XYLB: variants seen among roughly 807,000 people sequenced by gnomAD.
XYLB encodes xylulokinase, also known as xylulose kinase.
In XYLB, 62 loss-of-function variants were observed where a neutral mutation model predicts 78.7. The ratio of observed to expected loss-of-function variants is 0.79; its 90% CI spans 0.64 to 0.97. The LOEUF is 0.97. XYLB is among the 50% of genes least tolerant of loss of function. The pLI is 0.00. For missense variants in XYLB, 687 were observed against 676.8 expected (o/e 1.02, Z -0.17); for synonymous variants, 245 against 247.4 (o/e 0.99, Z 0.09).
chr3:38,423,731 A>G (rs1709046851), downstream of XYLB, among the ~76,000 whole-genome samples: 1 of 152,234 alleles, frequency 6.6e-6, no homozygotes, highest in African/African-American at 2.4e-5. Context: ...ACAGTGTTAC[A>G]TTATTCATTA....
the XYLB span, among the ~76,000 whole-genome samples, chr3:38,447,952 C>T: frequency 1.3e-5 from 2 of 152,062 alleles, no homozygotes; most frequent in Non-Finnish European, 2.9e-5. Flanking sequence ...CATGGTGGCT[C>T]ATGACTGTAA....
rs1004351979 is a variant in XYLB, at chr3:38,370,037, T to G, written c.647-19T>G. The G allele has an allele frequency of 3.1e-6, 5 of 1,605,510 alleles. No homozygotes were observed. The highest frequency in any genetic ancestry group is 4.3e-6 in the Non-Finnish European group (5 of 1,172,224). ...TCCATTTTCAAGATTGTCTGTTGTT[T>G]GTTTCCTTCCTTCCTCAGGTTCTGG... On this transcript the variant is annotated intron_variant, in intron 8 of 18. Transcript: ENST00000207870.
the XYLB span, among the ~76,000 whole-genome samples, chr3:38,440,657 G>A: frequency 2.0e-5 from 3 of 152,150 alleles, no homozygotes; most frequent in Non-Finnish European, 2.9e-5. Context: ...AGTGCTTTTG[G>A]GCTACGCTCT....
chr3:38,381,010 C>T (rs776661845), intron 15 of XYLB, among the ~76,000 whole-genome samples: 13 of 152,140 alleles, frequency 8.5e-5, no homozygotes, highest in Non-Finnish European at 1.5e-4. Flanking sequence ...GTGGCTCACA[C>T]CTGTAATCTC....
At chr3:38,443,389 A>G in the XYLB span, among the ~76,000 whole-genome samples, 2 of 152,164 alleles carry the variant, frequency 1.3e-5, no homozygotes, top group Admixed American at 6.5e-5. Flanking sequence ...GCCTCGGCAT[A>G]GTGGACATGG....
chr3:38,448,619 T>C, the XYLB span, among the ~76,000 whole-genome samples: 2 of 152,238 alleles, frequency 1.3e-5, no homozygotes, highest in Non-Finnish European at 2.9e-5. Context: ...TTAAAATATT[T>C]TTTTACTGAG....
chr3:38,429,715 C>T, the XYLB span, among the ~76,000 whole-genome samples: 1 of 152,200 alleles, frequency 6.6e-6, no homozygotes, highest in Non-Finnish European at 1.5e-5. Flanking sequence ...CAGGCCCCCA[C>T]CCCATGACAG....
At chr3:38,377,967 T>C (rs1706949556) in intron 14 of XYLB, among the ~76,000 whole-genome samples, 1 of 152,194 alleles carries the variant, frequency 6.6e-6, no homozygotes, top group Non-Finnish European at 1.5e-5. Context: ...AAAATTGACA[T>C]TGCTGCTGGA....
At chr3:38,369,552 C>T (rs1706437644) in intron 8 of XYLB, among the ~76,000 whole-genome samples, 1 of 152,204 alleles carries the variant, frequency 6.6e-6, no homozygotes, top group South Asian at 2.1e-4. Context: ...TCCACCCATG[C>T]TCTGGGTTCC....
At chr3:38,387,097 A>G (rs554617324) in intron 15 of XYLB, among the ~76,000 whole-genome samples, 11 of 152,126 alleles carry the variant, frequency 7.2e-5, no homozygotes, top group Admixed American at 3.9e-4. Flanking sequence ...ATTATGATAT[A>G]CCTAAGTAAG....
At chr3:38,452,960 A>C in the XYLB span, 4 of 152,144 alleles carry the variant, frequency 2.6e-5, no homozygotes, top group Admixed American at 2.0e-4. Context: ...ATGTTATCTG[A>C]GGATCTCGGA....
At chr3:38,433,129 C>T in the XYLB span, among the ~76,000 whole-genome samples, 1 of 152,258 alleles carries the variant, frequency 6.6e-6, no homozygotes, top group East Asian at 1.9e-4. Flanking sequence ...TACTTCTCTG[C>T]ACCTGCAGGC....
At chr3:38,452,288 G>A in the XYLB span, 1 of 152,112 alleles carries the variant, frequency 6.6e-6, no homozygotes, top group African/African-American at 2.4e-5. Flanking sequence ...GAATTTCCCA[G>A]GACTGGAAGG....
chr3:38,370,491 G>T (rs908558821), intron 9 of XYLB, among the ~76,000 whole-genome samples: 1 of 152,156 alleles, frequency 6.6e-6, no homozygotes, highest in African/African-American at 2.4e-5. Context: ...AGTGCACAGA[G>T]TGCTGAAATT....
At chr3:38,372,583 A>AGGGT in intron 9 of XYLB, 72 bp from the exon 10 acceptor site, 2 of 1,610,566 alleles carry the variant, frequency 1.2e-6, no homozygotes, top group Non-Finnish European at 1.7e-6. Flanking sequence ...CGTGGCCTGA[A>AGGGT]GGGTGGGTGG....
Position 38,395,514 on chromosome 3 carries a change from C to T in XYLB, c.1301C>T (p.Thr434Ile). Reference protein sequence around the residue: ...EGLGYRVMSKTKILATGGASH... With the variant: ...EGLGYRVMSKIKILATGGASH... ...TTCTTTTCCCTTGCAGTGTCCAAGA[C>T]AAAGATTTTGGCCACAGGAGGAGCA... Residue 434 changes from threonine to isoleucine, a missense_variant, in exon 16 of 19, where the codon ACA becomes ATA. Thr to Ile is a moderately conservative substitution (Grantham distance 89). Transcript: ENST00000207870. 1 of 1,614,218 alleles carries T rather than the reference C, an allele frequency of 6.2e-7. No individual in the cohort carries two copies. The highest frequency in any genetic ancestry group is 8.5e-7 in the Non-Finnish European group (1 of 1,180,036).
At chr3:38,426,744 C>G in the XYLB span, among the ~76,000 whole-genome samples, 4 of 152,184 alleles carry the variant, frequency 2.6e-5, no homozygotes. Context: ...TTTGCAAAAA[C>G]AGAAAGGTGG....
At chr3:38,392,889 C>T (rs141507967) in intron 15 of XYLB, among the ~76,000 whole-genome samples, 3 of 152,308 alleles carry the variant, frequency 2.0e-5, no homozygotes, top group African/African-American at 2.4e-5. Flanking sequence ...GATTTCCCCC[C>T]ACTCCAGTAT....
intron 17 of XYLB, among the ~76,000 whole-genome samples, chr3:38,399,128 A>AT (rs1471721319): frequency 6.6e-6 from 1 of 151,930 alleles, no homozygotes; most frequent in Admixed American, 6.6e-5. Flanking sequence ...GTTTAAGACA[A>AT]GGTCTCTGTT....
Sources: allele counts gnomAD v4.1 joint callset (sites outside exome capture counted in the v4.1 genomes callset), GRCh38; gene constraint gnomAD v4.1.1; transcripts MANE v1.5; gene names NCBI Gene and HGNC (gene_info 2026-07-23, HGNC 2026-07-21).